CA2: variants seen among roughly 807,000 people sequenced by gnomAD.
CA2 encodes carbonate dehydratase II.
CA2 carries 23 observed loss-of-function variants against 27.8 expected under a neutral mutation model. That is an observed-to-expected ratio of 0.83 (90% CI 0.59 to 1.17). The LOEUF (loss-of-function observed/expected upper bound fraction) is 1.17, where lower values mean the gene tolerates loss of function less well. Ranked by LOEUF, CA2 falls within the 50% of genes most tolerant of loss-of-function variation. The pLI, the probability that CA2 is intolerant of heterozygous loss-of-function variation, is 0.00. For missense variants in CA2, 300 were observed against 314.7 expected, an observed-to-expected ratio of 0.95 and a Z score of 0.35; for synonymous variants, 99 against 114.9, an observed-to-expected ratio of 0.86 and a Z score of 0.88.
intron 5 of CA2, 124 bp from the exon 6 acceptor site, chr8:85,476,996 C>A: frequency 1.1e-6 from 1 of 889,470 alleles, no homozygotes; most frequent in South Asian, 1.3e-5. Flanking sequence ...AATATAGAAC[C>A]TCTTTTTTAA....
At chr8:85,471,294 C>T (rs1157856350) in intron 2 of CA2, among the ~76,000 whole-genome samples, 1 of 151,924 alleles carries the variant, frequency 6.6e-6, no homozygotes, top group Non-Finnish European at 1.5e-5. Context: ...TTCATAGGAA[C>T]AAGTTTTATT....
intron 2 of CA2, 23 bp downstream of exon 2, chr8:85,465,492 G>C (rs933068522): frequency 6.3e-6 from 10 of 1,592,336 alleles, no homozygotes; most frequent in Non-Finnish European, 8.6e-6. Flanking sequence ...AAAATAACTT[G>C]TGTCTTTTAG....
At chr8:85,464,414 C>T (rs1047514775) in intron 1 of CA2, 31 of 391,330 alleles carry the variant, frequency 7.9e-5, no homozygotes, top group Non-Finnish European at 1.3e-4. Flanking sequence ...GACCCGAGGA[C>T]AGTCCCTCCC....
chr8:85,478,137 A>C (rs977938227), intron 6 of CA2, among the ~76,000 whole-genome samples: 1 of 152,248 alleles, frequency 6.6e-6, no homozygotes, highest in African/African-American at 2.4e-5. Context: ...ATTGATCAAC[A>C]GTCTGAGATG....
In CA2 at chr8:85,476,491, C is replaced by T. The variant is rs1205444579; in HGVS notation, c.508-629C>T. On this transcript the variant is annotated intron_variant, in intron 5 of 6. Transcript: ENST00000285379. ...AAATGCTCACTCACTGGCTTGAGCC[C>T]CTTGAATTCATAGAATAAACCTGAT... is the stretch of plus-strand genomic sequence containing the variant. Among the ~76,000 whole-genome samples, 3 of 152,282 alleles carry T rather than the reference C, an allele frequency of 2.0e-5. No homozygotes were observed. The East Asian group carries it at 5.8e-4, about 29-fold the overall frequency.
intron 5 of CA2, 63 bp from the exon 6 acceptor site, chr8:85,477,057 C>A: frequency 6.4e-7 from 1 of 1,556,500 alleles, no homozygotes; most frequent in Non-Finnish European, 8.9e-7. Flanking sequence ...GTCTGCTGCT[C>A]TCCTACCTTC....
rs563003252 is a variant in CA2 at position 85,469,762 on chromosome 8, T to A, written c.233-3931T>A. Among the ~76,000 whole-genome samples, 33 of 152,072 alleles carry A rather than the reference T, an allele frequency of 2.2e-4. 1 individual carries two copies. The East Asian group carries it at 6.0e-3, about 28-fold the overall frequency. ...ATTGGGCCAACTCTTATCCAAGTCT[T>A]ACATCATTTCTGTTTTTCAGAAATT... On this transcript the variant is annotated intron_variant, in intron 2 of 6. Transcript: ENST00000285379.
Position 85,480,712 on chromosome 8 carries a change from C to A in CA2, c.706C>A (p.Pro236Thr). ...ACTTAACTTCAATGGGGAGGGTGAA[C>A]CCGAAGAACTGATGGTGGACAACTG... ...RKLNFNGEGE[P>T]EELMVDNWRP... The change falls in exon 7 of 7, where the codon CCC becomes ACC. Residue 236 changes from proline (P) to threonine (T), a missense_variant. Pro to Thr is a conservative substitution (Grantham distance 38). Around this residue, in one of 3 missense-constraint regions of CA2, gnomAD observed 173 missense variants for 161.0 expected, o/e 1.07. Coordinates refer to ENST00000285379, the MANE Select transcript of CA2 (RefSeq NM_000067.3). 7 of 1,613,598 alleles carry A rather than the reference C, an allele frequency of 4.3e-6. No individual in the cohort carries two copies. Among genetic ancestry groups the A allele is most frequent in the Non-Finnish European group, 5.1e-6 (6 of 1,179,654 alleles).
intron 2 of CA2, chr8:85,473,429 C>T (rs753643220): frequency 1.0e-5 from 6 of 573,834 alleles, no homozygotes; most frequent in Non-Finnish European, 2.0e-5. Context: ...ATGTGAAAAA[C>T]ATCCATTCTC....
Position 85,474,347 on chromosome 8 carries a change from C to T in CA2, c.375C>T (p.Thr125=). ...AGCTTCACTTGGTTCACTGGAACAC[C>T]AAATATGGGGATTTTGGGAAAGCTG... is the stretch of plus-strand genomic sequence containing the variant. The part of the protein sequence containing the change: ...AAELHLVHWN[T]KYGDFGKAVQ... Residue 125 remains threonine, a synonymous_variant, in exon 4 of 7, where the codon ACC becomes ACT. Coordinates refer to ENST00000285379, the MANE Select transcript of CA2 (RefSeq NM_000067.3). 6.2e-7 allele frequency: 1 copy of T among 1,614,052 alleles called. No homozygotes were observed. Among genetic ancestry groups the T allele is most frequent in the Non-Finnish European group, 8.5e-7 (1 of 1,179,966 alleles).
Position 85,465,390 on chromosome 8 carries a change from T to G in CA2, c.153T>G (p.Tyr51Ter). Residue 51 changes from tyrosine (Y) to a stop codon, truncating the protein, a stop_gained, in exon 2 of 7, where the codon TAT (tyrosine) becomes TAG (stop). Coordinates refer to ENST00000285379, the MANE Select transcript of CA2 (RefSeq NM_000067.3). LOFTEE classifies it high-confidence loss of function. ...DPSLKPLSVS[Y>*]DQATSLRILN... is the part of the protein sequence containing the mutation. The stretch of plus-strand genomic sequence containing the variant: ...CCCTGAAGCCCCTGTCTGTTTCCTA[T>G]GATCAAGCAACTTCCCTGAGGATCC... 1 of 1,614,234 alleles carries G rather than the reference T, an allele frequency of 6.2e-7. No individual in the cohort carries two copies. The highest frequency in any genetic ancestry group is 8.5e-7 in the Non-Finnish European group (1 of 1,180,048).
chr8:85,480,425 TTTTG>T (rs1265898205), intron 6 of CA2, among the ~76,000 whole-genome samples: 4 of 136,156 alleles, frequency 2.9e-5, no homozygotes, highest in African/African-American at 9.7e-5. Flanking sequence ...CCTGTTTAAT[TTTTG>T]TGTGTGTGTG....
rs1450302081 is a variant in CA2 at position 85,465,471 on chromosome 8, T to G, written c.232+2T>G. 1 of 1,612,060 alleles carries G rather than the reference T, an allele frequency of 6.2e-7. No homozygotes were observed. Among genetic ancestry groups the G allele is most frequent in the Non-Finnish European group, 8.5e-7 (1 of 1,178,738 alleles). On this transcript the variant is annotated splice_donor_variant, in intron 2 of 6. Coordinates refer to ENST00000285379, the MANE Select transcript of CA2 (RefSeq NM_000067.3). LOFTEE classifies it high-confidence loss of function. Reference sequence around the variant, plus strand: ...TTGATGACTCTCAGGACAAAGCAGGTCAGTGTTTAGAAAATAACTTGTGTC... The same window carrying G: ...TTGATGACTCTCAGGACAAAGCAGGGCAGTGTTTAGAAAATAACTTGTGTC...
intron 1 of CA2, 83 bp from the exon 2 acceptor site, chr8:85,465,189 G>C: frequency 7.1e-6 from 8 of 1,130,160 alleles, no homozygotes; most frequent in Non-Finnish European, 9.3e-6. Flanking sequence ...TGAGCAGATT[G>C]GCTCCGGAAT....
chr8:85,472,635 T>C (rs1313437279), intron 2 of CA2, among the ~76,000 whole-genome samples: 1 of 152,168 alleles, frequency 6.6e-6, no homozygotes, highest in Admixed American at 6.6e-5. Context: ...CATAAATTAT[T>C]AGTGAAATAG....
intron 2 of CA2, among the ~76,000 whole-genome samples, chr8:85,470,205 A>G (rs1413815138): frequency 1.3e-5 from 2 of 152,170 alleles, no homozygotes; most frequent in Non-Finnish European, 2.9e-5. Context: ...TAAACATCTT[A>G]TTGCTTTAAA....
rs1811613054 is a variant in CA2 at position 85,465,395 on chromosome 8, A to G, written c.158A>G (p.Gln53Arg). ...SLKPLSVSYD[Q>R]ATSLRILNNG... ...AAGCCCCTGTCTGTTTCCTATGATC[A>G]AGCAACTTCCCTGAGGATCCTCAAC... The change falls in exon 2 of 7, where the codon CAA (glutamine) becomes CGA (arginine). Residue 53 changes from glutamine to arginine, a missense_variant. This residue lies in a region of CA2 where 122 missense variants were observed against 133.2 expected (regional missense o/e 0.92). Transcript: ENST00000285379. 1 of 1,614,046 alleles carries G rather than the reference A, an allele frequency of 6.2e-7. No homozygotes were observed. Among genetic ancestry groups the G allele is most frequent in the Non-Finnish European group, 8.5e-7 (1 of 1,180,034 alleles).
At chr8:85,478,095 T>C (rs184718074) in intron 6 of CA2, among the ~76,000 whole-genome samples, 123 of 152,342 alleles carry the variant, frequency 8.1e-4, no homozygotes, top group Middle Eastern at 6.8e-3. Flanking sequence ...GATCATGTTG[T>C]CCAACTTTCT....
chr8:85,479,689 G>A (rs186262018), intron 6 of CA2, among the ~76,000 whole-genome samples: 1 of 152,266 alleles, frequency 6.6e-6, no homozygotes, highest in Non-Finnish European at 1.5e-5. Flanking sequence ...CCAGTGACAA[G>A]GGGTTCTAAT....
Sources: gnomAD v4.1 joint callset for allele counts (sites outside exome capture counted in the v4.1 genomes callset) on GRCh38, gnomAD v4.1.1 for gene constraint, gnomAD v4.1.1 regional missense constraint, MANE v1.5 for transcripts, NCBI Gene and HGNC (gene_info 2026-07-23, HGNC 2026-07-21) for gene names.